The following SLC25A17 variants were observed in gnomAD, a reference collection of about 807,000 sequenced individuals.
SLC25A17 encodes peroxisomal membrane protein PMP34.
Under a neutral mutation model 38.5 loss-of-function variants are expected in SLC25A17, and 26 were observed. The ratio of observed to expected loss-of-function variants is 0.68; its 90% CI spans 0.50 to 0.94. The LOEUF is 0.94. SLC25A17 is among the 40% of genes least tolerant of loss of function. The pLI is 0.00. For missense variants in SLC25A17, 333 were observed against 372.7 expected, an observed-to-expected ratio of 0.89 and a Z score of 0.88; for synonymous variants, 139 against 136.2, an observed-to-expected ratio of 1.02 and a Z score of -0.14.
At chr22:40,773,497 T>C (rs2057208767) in intron 8 of SLC25A17, among the ~76,000 whole-genome samples, 1 of 147,224 alleles carries the variant, frequency 6.8e-6, no homozygotes, top group Non-Finnish European at 1.5e-5. Flanking sequence ...CCACTGAAAA[T>C]GTTAGCTACT....
At position 40,819,176 on chromosome 22, in the gene SLC25A17, C is replaced by T; in HGVS notation, c.54+19G>A. 2 of 1,613,364 alleles carry T rather than the reference C, an allele frequency of 1.2e-6. No individual in the cohort carries two copies. The highest frequency in any genetic ancestry group is 2.2e-5 in the East Asian group (1 of 44,878). On this transcript the variant is annotated intron_variant, in intron 1 of 8. Coordinates refer to ENST00000435456, the MANE Select transcript of SLC25A17 (RefSeq NM_006358.4). Reference sequence around the variant, plus strand: ...GCCTTATAACCCGTTGCGGCCCGGGCGTAAAGACCCCGTCTCACCACGGCT... The same window carrying T: ...GCCTTATAACCCGTTGCGGCCCGGGTGTAAAGACCCCGTCTCACCACGGCT...
At chr22:40,781,424 T>G (rs1286045072) in intron 4 of SLC25A17, among the ~76,000 whole-genome samples, 1 of 152,050 alleles carries the variant, frequency 6.6e-6, no homozygotes, top group Non-Finnish European at 1.5e-5. Flanking sequence ...TTTTTGTATT[T>G]TTAGTAGAGA....
At position 40,779,049 on chromosome 22, in the gene SLC25A17, C is replaced by A; in HGVS notation, c.411G>T (p.Arg137Ser). 2 of 1,614,158 alleles carry A rather than the reference C, an allele frequency of 1.2e-6. No individual in the cohort carries two copies. Among genetic ancestry groups the A allele is most frequent in the Non-Finnish European group, 1.7e-6 (2 of 1,180,020 alleles). ...AGTTTGTTGGTACAATGTCTTCATT[C>A]CTAAATTTTGCTCCTTGAAGCTTCA... ...TRLKLQGAKF[R>S]NEDIVPTNYK... The change falls in exon 5 of 9, where the codon AGG becomes AGT. Residue 137 changes from arginine (R) to serine (S), a missense_variant. By Grantham distance (110) the Arg-to-Ser change is moderately radical. Transcript: ENST00000435456.
rs774433769 is a variant in SLC25A17, at chr22:40,785,804, G to GT, written c.335-6680dup. The stretch of plus-strand genomic sequence containing the variant: ...GCATGCCACCATGCCCTGCTAATTG[G>GT]TTTTTTTTTTTGGTAGAAATGAGGT... On this transcript the variant is annotated intron_variant, in intron 4 of 8. Coordinates refer to ENST00000435456, the MANE Select transcript of SLC25A17 (RefSeq NM_006358.4). 5.8e-3 allele frequency among the ~76,000 whole-genome samples: 865 copies of GT among 148,050 alleles called. 5 individuals carry two copies. The highest frequency in any genetic ancestry group is 0.015 in the African/African-American group (589 of 40,566).
intron 4 of SLC25A17, among the ~76,000 whole-genome samples, chr22:40,781,471 T>C (rs2057294193): frequency 6.6e-6 from 1 of 152,084 alleles, no homozygotes. Flanking sequence ...GGTCTCGATC[T>C]CCTGACCTCG....
chr22:40,789,171 G>T lies in SLC25A17; in HGVS notation c.334+3354C>A. 3.9e-6 allele frequency: 1 copy of T among 258,742 alleles called. No individual in the cohort carries two copies. The highest frequency in any genetic ancestry group is 7.8e-6 in the Non-Finnish European group (1 of 127,846). The allele number at this position is 258,742 out of a possible 1,614,324, so 16.0% of individuals were successfully genotyped here. A position where few individuals can be genotyped will look rare whatever the true frequency, so the allele number is the denominator to read the frequency against. ...CTTGCTCAGGAAAATTAGCTGTGGG[G>T]GATGCCCAGCTGCTTGTAGCCACGG... is the stretch of plus-strand genomic sequence containing the variant. On this transcript the variant is annotated intron_variant, in intron 4 of 8. Transcript: ENST00000435456. The surrounding 1 kb of genome is among the most constrained non-coding windows in gnomAD (Gnocchi z 4.5).
intron 1 of SLC25A17, among the ~76,000 whole-genome samples, chr22:40,808,913 A>C (rs1769541805): frequency 6.6e-6 from 1 of 152,182 alleles, no homozygotes; most frequent in Non-Finnish European, 1.5e-5. Flanking sequence ...AAATTTTCCA[A>C]AGGCTATGCA....
chr22:40,784,572 A>G, intron 4 of SLC25A17: 1 of 271,746 alleles, frequency 3.7e-6, no homozygotes, highest in South Asian at 3.4e-5. Context: ...CAGGGGTTTG[A>G]AACCAGCCTG....
At position 40,792,623 on chromosome 22, in the gene SLC25A17, T is replaced by C. The variant is rs144758492; in HGVS notation, c.236A>G (p.Asn79Ser). The change falls in exon 4 of 9, where the codon AAT (asparagine) becomes AGT (serine). Residue 79 changes from asparagine to serine, a missense_variant. Asn to Ser is a conservative substitution (Grantham distance 46, BLOSUM62 1). Coordinates refer to ENST00000435456, the MANE Select transcript of SLC25A17 (RefSeq NM_006358.4). ...FPVISSLCCS[N>S]FVYFYTFNSL... ...ATTAAAAGTGTAGAAATAGACAAAA[T>C]TGGAGCAGCAGAGACTGGAAATCAC... 1.4e-4 allele frequency: 231 copies of C among 1,613,968 alleles called. No homozygotes were observed. The Admixed American group carries it at 1.5e-3, about 11-fold the overall frequency.
intron 2 of SLC25A17, among the ~76,000 whole-genome samples, chr22:40,796,193 G>A (rs2057427876): frequency 1.3e-5 from 2 of 152,182 alleles, no homozygotes; most frequent in African/African-American, 4.8e-5. Context: ...CATTCTCACT[G>A]AAAACAAAAC....
chr22:40,773,896 C>A, intron 8 of SLC25A17, 41 bp downstream of exon 8: 1 of 1,366,850 alleles, frequency 7.3e-7, no homozygotes. Context: ...GAGATGGCTG[C>A]TGAAGGAGAG....
At chr22:40,786,002 A>G (rs999390137) in intron 4 of SLC25A17, among the ~76,000 whole-genome samples, 18 of 152,084 alleles carry the variant, frequency 1.2e-4, no homozygotes, top group African/African-American at 4.3e-4. Context: ...GACTAAGGAG[A>G]AAGTGACAGA....
At chr22:40,795,898 C>T (rs1222270016) in intron 2 of SLC25A17, among the ~76,000 whole-genome samples, 2 of 152,182 alleles carry the variant, frequency 1.3e-5, no homozygotes, top group Non-Finnish European at 2.9e-5. Context: ...AGCAATTCTC[C>T]TGCCTTAGCC....
intron 1 of SLC25A17, among the ~76,000 whole-genome samples, chr22:40,812,014 TTTC>T (rs2057586660): frequency 6.6e-6 from 1 of 152,030 alleles, no homozygotes; most frequent in Non-Finnish European, 1.5e-5. Context: ...CCTGGATTTC[TTTC>T]TTTTTCTCTT....
At chr22:40,781,395 G>A (rs1023155057) in intron 4 of SLC25A17, among the ~76,000 whole-genome samples, 1 of 151,952 alleles carries the variant, frequency 6.6e-6, no homozygotes, top group African/African-American at 2.4e-5. Flanking sequence ...ACAGGCGCCC[G>A]CCACTGCGCC....
chr22:40,792,785 C>T, intron 3 of SLC25A17, 109 bp from the exon 4 acceptor site: 1 of 1,080,914 alleles, frequency 9.3e-7, no homozygotes, highest in South Asian at 1.5e-5. Context: ...AGCTTCACTC[C>T]TACACGAATA....
intron 1 of SLC25A17, among the ~76,000 whole-genome samples, chr22:40,815,974 G>A (rs1347534463): frequency 1.3e-5 from 2 of 152,164 alleles, no homozygotes; most frequent in Admixed American, 1.3e-4. Flanking sequence ...ATCACCTGAG[G>A]GCGGGAGCTC....
intron 1 of SLC25A17, among the ~76,000 whole-genome samples, chr22:40,801,126 TAC>T (rs1210991494): frequency 6.3e-4 from 27 of 42,744 alleles, no homozygotes; most frequent in African/African-American, 2.3e-3. Context: ...AAAAATATAT[TAC>T]ATATATATAT....
chr22:40,775,505 G>T (rs1297940985), intron 7 of SLC25A17, among the ~76,000 whole-genome samples: 1 of 133,128 alleles, frequency 7.5e-6, no homozygotes, highest in African/African-American at 2.8e-5. Context: ...CGCCCAGGCC[G>T]GACTGCGGAC....
Sources: allele counts gnomAD v4.1 joint callset (sites outside exome capture counted in the v4.1 genomes callset), GRCh38; gene constraint gnomAD v4.1.1; non-coding constraint Gnocchi (gnomAD v3.1); transcripts MANE v1.5; gene names NCBI Gene and HGNC (gene_info 2026-07-23, HGNC 2026-07-21).